SMYD3: variants seen among roughly 807,000 people sequenced by gnomAD.
The protein encoded by SMYD3 is SET and MYND domain containing 3, also known as histone-lysine N-methyltransferase SMYD3.
SMYD3 carries 36 observed loss-of-function variants against 57.7 expected under a neutral mutation model. The observed-to-expected ratio is 0.62, with a 90% CI of 0.48 to 0.82. SMYD3 has a LOEUF of 0.82. Ranked by LOEUF, SMYD3 falls within the 40% of genes least tolerant of loss-of-function variation. The probability of loss-of-function intolerance (pLI) is 0.00; values close to 1 mark genes in which losing one functional copy is unlikely to be tolerated. For synonymous variants in SMYD3, 211 were observed against 195.0 expected, an observed-to-expected ratio of 1.08 and a Z score of -0.68; for missense variants, 515 against 538.8, an observed-to-expected ratio of 0.96 and a Z score of 0.44.
intron 5 of SMYD3, among the ~76,000 whole-genome samples, chr1:246,062,372 G>A (rs948581600): frequency 1.3e-5 from 2 of 152,128 alleles, no homozygotes; most frequent in African/African-American, 4.8e-5. Flanking sequence ...GCTGAATTTA[G>A]AGCACCTCTC....
chr1:246,231,869 A>G (rs2063412926), intron 5 of SMYD3, among the ~76,000 whole-genome samples: 1 of 152,220 alleles, frequency 6.6e-6, no homozygotes, highest in Non-Finnish European at 1.5e-5. Context: ...AGAGGAAATC[A>G]AACAAAAGGG....
At chr1:246,332,065 A>G (rs761633401) in intron 3 of SMYD3, among the ~76,000 whole-genome samples, 1 of 152,224 alleles carries the variant, frequency 6.6e-6, no homozygotes, top group Non-Finnish European at 1.5e-5. Flanking sequence ...TAGGCCAATT[A>G]ATAACTTTAC....
At chr1:246,397,456 T>C (rs2066691933) in intron 1 of SMYD3, among the ~76,000 whole-genome samples, 1 of 152,152 alleles carries the variant, frequency 6.6e-6, no homozygotes, top group African/African-American at 2.4e-5. Flanking sequence ...GTGCTCTCGG[T>C]TGAAAAACCA....
intron 10 of SMYD3, among the ~76,000 whole-genome samples, chr1:245,801,394 T>C (rs1045405694): frequency 3.3e-5 from 5 of 152,224 alleles, no homozygotes; most frequent in African/African-American, 1.2e-4. Flanking sequence ...CAGGCCATCA[T>C]TTCTAGCCAC....
At chr1:246,237,305 C>A (rs2063528842) in intron 5 of SMYD3, among the ~76,000 whole-genome samples, 1 of 152,186 alleles carries the variant, frequency 6.6e-6, no homozygotes. Flanking sequence ...TAAGCCTTTC[C>A]TGACCATCGC....
At chr1:245,830,469 C>A (rs1220259642) in intron 10 of SMYD3, among the ~76,000 whole-genome samples, 5 of 152,170 alleles carry the variant, frequency 3.3e-5, no homozygotes, top group African/African-American at 1.2e-4. Flanking sequence ...CCTGGCCCTG[C>A]CCTTGACATG....
intron 1 of SMYD3, among the ~76,000 whole-genome samples, chr1:246,375,790 C>T (rs1052834672): frequency 6.6e-6 from 1 of 152,156 alleles, no homozygotes; most frequent in East Asian, 1.9e-4. Context: ...AGTGCAGTGG[C>T]ATGATCTCGG....
intron 5 of SMYD3, among the ~76,000 whole-genome samples, chr1:245,954,380 G>T (rs1485531068): frequency 6.6e-6 from 1 of 152,180 alleles, no homozygotes; most frequent in Non-Finnish European, 1.5e-5. Flanking sequence ...GGACGATAAA[G>T]AAAGTGGTAG....
At chr1:246,212,865 A>G (rs543127746) in intron 5 of SMYD3, among the ~76,000 whole-genome samples, 52 of 152,190 alleles carry the variant, frequency 3.4e-4, no homozygotes, top group African/African-American at 1.2e-3. Flanking sequence ...CAAGGCATAC[A>G]AATGTAGACA....
chr1:246,168,603 G>A (rs2062264286), intron 5 of SMYD3, among the ~76,000 whole-genome samples: 1 of 152,106 alleles, frequency 6.6e-6, no homozygotes, highest in Admixed American at 6.5e-5. Context: ...TTTACAAGCT[G>A]CTGTACTTTA....
chr1:245,782,672 G>A (rs961169471), intron 10 of SMYD3, among the ~76,000 whole-genome samples: 4 of 151,998 alleles, frequency 2.6e-5, no homozygotes, highest in Admixed American at 6.6e-5. Context: ...CAGTCAAAAC[G>A]GCATCTAACA....
intron 1 of SMYD3, among the ~76,000 whole-genome samples, chr1:246,359,994 C>A (rs1337438829): frequency 1.3e-5 from 2 of 152,074 alleles, no homozygotes; most frequent in Non-Finnish European, 2.9e-5. Flanking sequence ...TCAAAGGTAT[C>A]CAAATTAGTA....
intron 5 of SMYD3, among the ~76,000 whole-genome samples, chr1:246,209,215 G>A (rs541689306): frequency 1.3e-5 from 2 of 152,222 alleles, no homozygotes; most frequent in South Asian, 2.1e-4. Context: ...GACCAAGAAC[G>A]AGGTCAGAAA....
Position 246,303,143 on chromosome 1 carries a change from C to T in SMYD3, c.531+24058G>A, listed in dbSNP as rs144996500. Among the ~76,000 whole-genome samples, 1,515 of 152,304 alleles carry T rather than the reference C, an allele frequency of 9.9e-3. 10 individuals carry two copies. Among genetic ancestry groups the T allele is most frequent in the Non-Finnish European group, 0.016 (1,104 of 68,014 alleles). The stretch of plus-strand genomic sequence containing the variant: ...CTGAGTTCCTACCCAGGCTCTCCTA[C>T]TTTGTTGTTCTGTGACTCCTTTGAC... On this transcript the variant is annotated intron_variant, in intron 5 of 11. Transcript: ENST00000490107.
intron 5 of SMYD3, among the ~76,000 whole-genome samples, chr1:246,288,622 A>C (rs2064622380): frequency 6.6e-6 from 1 of 152,140 alleles, no homozygotes; most frequent in African/African-American, 2.4e-5. Flanking sequence ...TCTTGCTCCC[A>C]TTGCCATGGA....
At chr1:246,259,385 C>T (rs1282714701) in intron 5 of SMYD3, among the ~76,000 whole-genome samples, 1 of 152,142 alleles carries the variant, frequency 6.6e-6, no homozygotes, top group Non-Finnish European at 1.5e-5. Context: ...GTTTCTTTCT[C>T]TTTTCTTCCT....
At chr1:246,298,453 T>C (rs1338927562) in intron 5 of SMYD3, among the ~76,000 whole-genome samples, 3 of 152,132 alleles carry the variant, frequency 2.0e-5, no homozygotes, top group Non-Finnish European at 4.4e-5. Context: ...AAGCTGAATA[T>C]AAAGAGGCTA....
chr1:246,438,987 C>T (rs558671221), intron 1 of SMYD3, among the ~76,000 whole-genome samples: 1 of 151,812 alleles, frequency 6.6e-6, no homozygotes, highest in Admixed American at 6.6e-5. Flanking sequence ...CCTGACAGGC[C>T]ATGGGAGTGG....
chr1:246,307,854 A>C (rs2065012975), intron 5 of SMYD3, among the ~76,000 whole-genome samples: 1 of 152,168 alleles, frequency 6.6e-6, no homozygotes, highest in African/African-American at 2.4e-5. Flanking sequence ...CAAAACAGGC[A>C]CGTCCGTCAA....
Sources: allele counts gnomAD v4.1 joint callset (sites outside exome capture counted in the v4.1 genomes callset), GRCh38; gene constraint gnomAD v4.1.1; transcripts MANE v1.5; gene names NCBI Gene and HGNC (gene_info 2026-07-23, HGNC 2026-07-21).